CCDC178: variants seen among roughly 807,000 people sequenced by gnomAD.
CCDC178 encodes the protein coiled-coil domain-containing protein 178.
A neutral mutation model predicts 117.4 loss-of-function variants in CCDC178; 126 were observed. The ratio of observed to expected loss-of-function variants is 1.07; its 90% CI spans 0.93 to 1.24. The LOEUF (loss-of-function observed/expected upper bound fraction) is 1.24. CCDC178 is among the 50% of genes most tolerant of loss of function. The pLI is 0.00. For synonymous variants in CCDC178, 283 were observed against 313.4 expected (o/e 0.90, Z 1.02); for missense variants, 1,030 against 986.9 (o/e 1.04, Z -0.59).
chr18:33,041,473 T>C (rs2056548489), intron 21 of CCDC178, among the ~76,000 whole-genome samples: 2 of 150,760 alleles, frequency 1.3e-5, no homozygotes, highest in South Asian at 2.1e-4. Flanking sequence ...ATATTAAAAA[T>C]AATTTATCAT....
chr18:33,193,900 C>T (rs578233665), intron 20 of CCDC178, among the ~76,000 whole-genome samples: 2 of 152,246 alleles, frequency 1.3e-5, no homozygotes, highest in African/African-American at 4.8e-5. Flanking sequence ...AGTACAAGAT[C>T]AAGTCCTCCC....
chr18:33,137,089 G>C (rs1287552232), intron 20 of CCDC178, among the ~76,000 whole-genome samples: 1 of 152,152 alleles, frequency 6.6e-6, no homozygotes. Context: ...GTGAGAGCCA[G>C]AGAGAAGAAA....
intron 20 of CCDC178, among the ~76,000 whole-genome samples, chr18:33,209,158 T>TAAGCA (rs1384767172): frequency 1.3e-5 from 2 of 152,024 alleles, no homozygotes; most frequent in African/African-American, 4.8e-5. Flanking sequence ...AATTTGATCT[T>TAAGCA]AAGCAATGGC....
chr18:33,412,773 T>G (rs1273199911), intron 2 of CCDC178, among the ~76,000 whole-genome samples: 2 of 152,194 alleles, frequency 1.3e-5, no homozygotes, highest in African/African-American at 4.8e-5. Context: ...TAAACATATT[T>G]TGTGTTCACA....
chr18:33,152,976 C>A (rs7238193), intron 20 of CCDC178, among the ~76,000 whole-genome samples: 5,735 of 146,954 alleles, frequency 0.039, 139 homozygotes, highest in East Asian at 0.11. Flanking sequence ...AAGGCACTGT[C>A]GAAGAAAAAA....
rs779404590 is a variant in CCDC178 at position 33,212,014 on chromosome 18, T to C, written c.2120A>G (p.Gln707Arg). 1.2e-6 allele frequency: 2 copies of C among 1,603,770 alleles called. No homozygotes were observed. The highest frequency in any genetic ancestry group is 1.1e-5 in the South Asian group (1 of 88,818). Residue 707 changes from glutamine (Q) to arginine (R), a missense_variant, in exon 20 of 23, where the codon CAA becomes CGA. Coordinates refer to ENST00000383096, the MANE Select transcript of CCDC178 (RefSeq NM_001105528.4). ...ITMRFKREHA[Q>R]TVFDHYMQEK... The stretch of plus-strand genomic sequence containing the variant: ...TTGCATATAATGATCAAACACAGTT[T>C]GTGCATGTTCCCTTTTAAATCTCAT...
At chr18:33,227,579 T>C (rs111240102) in intron 15 of CCDC178, among the ~76,000 whole-genome samples, 14,161 of 67,022 alleles carry the variant, frequency 0.21, 1,083 homozygotes, top group African/African-American at 0.32. Flanking sequence ...TATATATATA[T>C]ACACACACAC....
intron 2 of CCDC178, among the ~76,000 whole-genome samples, chr18:33,417,535 T>TACAC (rs60345049): frequency 0.33 from 48,168 of 148,088 alleles, 9,345 homozygotes; most frequent in Non-Finnish European, 0.44. Flanking sequence ...CAGAGCTGTA[T>TACAC]ACACACACAC....
intron 3 of CCDC178, among the ~76,000 whole-genome samples, chr18:33,397,689 C>T (rs1402221015): frequency 6.6e-6 from 1 of 152,044 alleles, no homozygotes; most frequent in Non-Finnish European, 1.5e-5. Flanking sequence ...AACTGCATCT[C>T]TAGAAAATCC....
At chr18:33,257,731 C>A (rs1254392650) in intron 14 of CCDC178, among the ~76,000 whole-genome samples, 1 of 152,092 alleles carries the variant, frequency 6.6e-6, no homozygotes, top group African/African-American at 2.4e-5. Context: ...CCTACACTCT[C>A]TTTTTAGACA....
intron 12 of CCDC178, among the ~76,000 whole-genome samples, chr18:33,273,563 A>G (rs2059912576): frequency 6.6e-6 from 1 of 151,690 alleles, no homozygotes; most frequent in African/African-American, 2.4e-5. Flanking sequence ...ATTAACCCAT[A>G]CTACATTAAT....
chr18:33,187,030 A>AT (rs2058802831), intron 20 of CCDC178, among the ~76,000 whole-genome samples: 1 of 133,576 alleles, frequency 7.5e-6, no homozygotes, highest in African/African-American at 3.2e-5. Flanking sequence ...GGCTGGGGAA[A>AT]CTTACAATCA....
intron 21 of CCDC178, among the ~76,000 whole-genome samples, chr18:33,057,139 T>A (rs888318554): frequency 3.9e-5 from 6 of 152,186 alleles, no homozygotes; most frequent in Admixed American, 2.0e-4. Flanking sequence ...GAACATTAAA[T>A]GACTGACCTG....
chr18:33,104,804 T>C (rs1440040580), intron 20 of CCDC178, among the ~76,000 whole-genome samples: 1 of 151,732 alleles, frequency 6.6e-6, no homozygotes. Flanking sequence ...GTAACAAATG[T>C]ATGAAATTAA....
Position 32,988,728 on chromosome 18 carries a change from C to T in CCDC178, c.2389-14047G>A, listed in dbSNP as rs193115864. On this transcript the variant is annotated intron_variant, in intron 21 of 22. Coordinates refer to ENST00000383096, the MANE Select transcript of CCDC178 (RefSeq NM_001105528.4). ...AGGAAAGACCAATAAACTATGCAAA[C>T]TTCCACAAGGATTAACACAATGAAA... is the stretch of plus-strand genomic sequence containing the variant. 1.2e-3 allele frequency among the ~76,000 whole-genome samples: 187 copies of T among 151,886 alleles called. 1 individual carries two copies. Among genetic ancestry groups the T allele is most frequent in the African/African-American group, 4.3e-3 (178 of 41,486 alleles).
intron 20 of CCDC178, among the ~76,000 whole-genome samples, chr18:33,097,639 G>A (rs553090437): frequency 6.6e-6 from 1 of 151,970 alleles, no homozygotes; most frequent in Non-Finnish European, 1.5e-5. Context: ...TATTCCCTTC[G>A]CAAACATGAG....
At chr18:33,371,383 T>C (rs955731976) in intron 5 of CCDC178, among the ~76,000 whole-genome samples, 2 of 151,932 alleles carry the variant, frequency 1.3e-5, no homozygotes, top group Non-Finnish European at 2.9e-5. Flanking sequence ...CCACATTTTT[T>C]TAATCCCCAC....
chr18:33,175,420 T>C (rs990130869), intron 20 of CCDC178, among the ~76,000 whole-genome samples: 8 of 151,866 alleles, frequency 5.3e-5, no homozygotes, highest in African/African-American at 1.9e-4. Flanking sequence ...TTGCCCAGGC[T>C]GGTCTCCAAC....
chr18:32,988,157 C>T (rs150874428), intron 21 of CCDC178, among the ~76,000 whole-genome samples: 15 of 144,986 alleles, frequency 1.0e-4, no homozygotes, highest in African/African-American at 2.6e-4. Context: ...TGTTGGCTGA[C>T]GCGGTGGCTC....
Sources: allele counts gnomAD v4.1 joint callset (sites outside exome capture counted in the v4.1 genomes callset), GRCh38; gene constraint gnomAD v4.1.1; transcripts MANE v1.5; gene names NCBI Gene and HGNC (gene_info 2026-07-23, HGNC 2026-07-21).